ATL1: variants seen among roughly 807,000 people sequenced by gnomAD.
ATL1 encodes atlastin GTPase 1.
In ATL1, 31 loss-of-function variants were observed where a neutral mutation model predicts 75.5. The observed-to-expected ratio is 0.41, with a 90% CI of 0.31 to 0.55. The LOEUF (loss-of-function observed/expected upper bound fraction) is 0.55, where lower values mean the gene tolerates loss of function less well. Ranked by LOEUF, ATL1 falls within the 20% of genes least tolerant of loss-of-function variation. ATL1 has a pLI of 0.27. For missense variants in ATL1, 405 were observed against 662.6 expected (o/e 0.61, Z 4.27); for synonymous variants, 226 against 233.3 (o/e 0.97, Z 0.28).
Position 50,587,899 on chromosome 14 carries a change from G to C in ATL1, c.103G>C (p.Val35Leu). 2 of 1,614,184 alleles carry C rather than the reference G, an allele frequency of 1.2e-6. No individual in the cohort carries two copies. Among genetic ancestry groups the C allele is most frequent in the Non-Finnish European group, 1.7e-6 (2 of 1,180,026 alleles). Residue 35 changes from valine (V) to leucine (L), a missense_variant, in exon 2 of 14, where the codon GTC (valine) becomes CTC (leucine). This residue lies in a region of ATL1 where 126 missense variants were observed against 172.0 expected (regional missense o/e 0.73). Transcript: ENST00000358385. ...EEEPVKKAGP[V>L]QVLIVKDDHS... ...GGAGCCAGTGAAAAAGGCAGGACCAGTCCAAGTCCTCATTGTCAAAGATGA... is the reference window on the plus strand; with the variant it reads ...GGAGCCAGTGAAAAAGGCAGGACCACTCCAAGTCCTCATTGTCAAAGATGA...
intron 1 of ATL1, among the ~76,000 whole-genome samples, chr14:50,540,150 CAA>C (rs1275957009): frequency 6.6e-6 from 1 of 152,182 alleles, no homozygotes; most frequent in Non-Finnish European, 1.5e-5. Context: ...GCTCAACTGT[CAA>C]AGACATGTTT....
intron 1 of ATL1, among the ~76,000 whole-genome samples, chr14:50,580,194 T>C (rs369518167): frequency 6.6e-6 from 1 of 152,274 alleles, no homozygotes; most frequent in East Asian, 1.9e-4. Flanking sequence ...TTAATGGAAA[T>C]TTGGGTTGTT....
At chr14:50,591,161 A>G (rs966659451) in intron 3 of ATL1, 86 bp downstream of exon 3, 7 of 1,374,896 alleles carry the variant, frequency 5.1e-6, no homozygotes, top group Non-Finnish European at 7.1e-6. Context: ...CACTTTTGAA[A>G]ATTAATTTTG....
At chr14:50,595,731 C>A in intron 6 of ATL1, 99 bp downstream of exon 6, 1 of 1,141,442 alleles carries the variant, frequency 8.8e-7, no homozygotes, top group Non-Finnish European at 1.3e-6. Flanking sequence ...CTTTTTATTT[C>A]ATTGAGAAAC....
At chr14:50,630,867 T>C in intron 13 of ATL1, 1 of 413,354 alleles carries the variant, frequency 2.4e-6, no homozygotes, top group Middle Eastern at 3.4e-4. Flanking sequence ...TAGAATTAAA[T>C]TGAATGCCTT....
At chr14:50,606,857 G>A (rs776452863) in intron 6 of ATL1, among the ~76,000 whole-genome samples, 2 of 152,048 alleles carry the variant, frequency 1.3e-5, no homozygotes, top group Non-Finnish European at 2.9e-5. Context: ...GCAGGCTAAT[G>A]GCAAAAATAT....
At chr14:50,593,789 T>C (rs138443054) in intron 4 of ATL1, 57 bp from the exon 5 acceptor site, 5 of 1,130,968 alleles carry the variant, frequency 4.4e-6, no homozygotes, top group East Asian at 4.7e-5. Flanking sequence ...AATGATGAAG[T>C]AAGTGCTTAG....
At chr14:50,611,516 A>C (rs1169495262) in intron 6 of ATL1, among the ~76,000 whole-genome samples, 1 of 152,152 alleles carries the variant, frequency 6.6e-6, no homozygotes, top group African/African-American at 2.4e-5. Flanking sequence ...GGTAAGAGGA[A>C]ATCTGAGAAT....
intron 12 of ATL1, 77 bp from the exon 13 acceptor site, chr14:50,629,918 G>C: frequency 8.7e-7 from 1 of 1,147,476 alleles, no homozygotes. Flanking sequence ...AATATTGTAA[G>C]CAAAGTTGAT....
chr14:50,556,591 G>A (rs1239404827), upstream of ATL1, among the ~76,000 whole-genome samples: 1 of 151,986 alleles, frequency 6.6e-6, no homozygotes, highest in African/African-American at 2.4e-5. Context: ...CATTTTCATT[G>A]CCCCCAAAAG....
intron 4 of ATL1, among the ~76,000 whole-genome samples, chr14:50,593,627 C>G (rs1049852596): frequency 6.6e-6 from 1 of 152,132 alleles, no homozygotes; most frequent in African/African-American, 2.4e-5. Context: ...GAGCAGGTGA[C>G]TACTGTATTT....
upstream of ATL1, chr14:50,560,111 C>G (rs886050530): frequency 1.2e-6 from 1 of 824,774 alleles, no homozygotes. Flanking sequence ...TTTTCCTCCC[C>G]ACTCCTTCCC....
At chr14:50,618,423 G>T (rs2039434702) in intron 8 of ATL1, among the ~76,000 whole-genome samples, 1 of 152,094 alleles carries the variant, frequency 6.6e-6, no homozygotes, top group African/African-American at 2.4e-5. Context: ...AAAATTATCA[G>T]TGAAAATTGG....
intron 11 of ATL1, among the ~76,000 whole-genome samples, chr14:50,624,549 C>A (rs8011039): frequency 1.3e-5 from 2 of 151,624 alleles, no homozygotes; most frequent in Admixed American, 1.3e-4. Flanking sequence ...CTTTCTTTTA[C>A]CTGAGGCACA....
At chr14:50,614,655 C>A in intron 8 of ATL1, 144 bp downstream of exon 8, 1 of 939,344 alleles carries the variant, frequency 1.1e-6, no homozygotes, top group Non-Finnish European at 1.7e-6. Flanking sequence ...ATAGGGCATC[C>A]TGGGCTGGTG....
At chr14:50,556,099 C>T (rs957422668), upstream of ATL1, among the ~76,000 whole-genome samples, 2 of 152,070 alleles carry the variant, frequency 1.3e-5, no homozygotes, top group Admixed American at 1.3e-4. Context: ...TGGAGTAATA[C>T]CTTTTCTTCT....
chr14:50,572,223 G>C (rs73291705), intron 1 of ATL1: 4,563 of 243,018 alleles, frequency 0.019, 196 homozygotes, highest in African/African-American at 0.097. Context: ...AGGTATCAAG[G>C]TTATACTAAT....
chr14:50,600,485 T>G (rs1214879343), intron 6 of ATL1, among the ~76,000 whole-genome samples: 2 of 152,196 alleles, frequency 1.3e-5, no homozygotes, highest in African/African-American at 4.8e-5. Context: ...TTTTATAGTA[T>G]TTTAGATTAA....
In ATL1 at chr14:50,623,212, A is replaced by T; in HGVS notation, c.1083A>T (p.Ala361=). The T allele has an allele frequency of 6.2e-7, 1 of 1,614,004 alleles. No individual in the cohort carries two copies. Among genetic ancestry groups the T allele is most frequent in the Non-Finnish European group, 8.5e-7 (1 of 1,179,944 alleles). The change falls in exon 11 of 14, where the codon GCA becomes GCT. Residue 361 remains alanine, a synonymous_variant. Coordinates refer to ENST00000358385, the MANE Select transcript of ATL1 (RefSeq NM_015915.5). ...AAGCTAACAATTTAGCAGCCGTGGC[A>T]ACTGCCAAGGACACATACAACAAAA... ...TAEANNLAAV[A]TAKDTYNKKM...
Sources: gnomAD v4.1 joint callset for allele counts (sites outside exome capture counted in the v4.1 genomes callset) on GRCh38, gnomAD v4.1.1 for gene constraint, gnomAD v4.1.1 regional missense constraint, MANE v1.5 for transcripts, NCBI Gene and HGNC (gene_info 2026-07-23, HGNC 2026-07-21) for gene names.